Variants in ORC3 observed in about 807,000 individuals in gnomAD.
ORC3 encodes the protein origin recognition complex subunit 3.
Under a neutral mutation model 100.7 loss-of-function variants are expected in ORC3, and 78 were observed. That is an observed-to-expected ratio of 0.77 (90% CI 0.65 to 0.94). The LOEUF is 0.94. Ranked by LOEUF, ORC3 falls within the 40% of genes least tolerant of loss-of-function variation. The pLI, the probability that ORC3 is intolerant of heterozygous loss-of-function variation, is 0.00. For missense variants in ORC3, 789 were observed against 823.9 expected (o/e 0.96, Z 0.52); for synonymous variants, 295 against 289.3 (o/e 1.02, Z -0.20).
chr6:87,593,716 A>G (rs1777212966), intron 1 of ORC3, among the ~76,000 whole-genome samples: 1 of 152,220 alleles, frequency 6.6e-6, no homozygotes. Flanking sequence ...ATTTTTTGAG[A>G]CAGAGCTTCG....
downstream of ORC3, among the ~76,000 whole-genome samples, chr6:87,669,262 A>T (rs1582106957): frequency 6.6e-6 from 1 of 152,240 alleles, no homozygotes; most frequent in African/African-American, 2.4e-5. Flanking sequence ...TAAATAATCA[A>T]CTGCAAGTCA....
intron 14 of ORC3, among the ~76,000 whole-genome samples, chr6:87,653,816 T>C (rs1379907827): frequency 2.6e-5 from 4 of 152,210 alleles, no homozygotes; most frequent in African/African-American, 9.6e-5. Flanking sequence ...TCTTCACTGT[T>C]GGAGGGTTAC....
chr6:87,655,353 ATT>A (rs34459713), intron 14 of ORC3, among the ~76,000 whole-genome samples: 9 of 137,492 alleles, frequency 6.5e-5, no homozygotes, highest in Admixed American at 3.0e-4. Context: ...ATCCAGCTGA[ATT>A]TTTTTTTTTT....
At chr6:87,618,375 C>CCA (rs1779307062) in intron 9 of ORC3, among the ~76,000 whole-genome samples, 2 of 150,926 alleles carry the variant, frequency 1.3e-5, no homozygotes, top group South Asian at 4.2e-4. Context: ...GGAGATCATG[C>CCA]CACTGCACTC....
intron 16 of ORC3, among the ~76,000 whole-genome samples, chr6:87,658,748 ATTTAATTC>A (rs1769925211): frequency 6.6e-6 from 1 of 152,186 alleles, no homozygotes; most frequent in Admixed American, 6.5e-5. Context: ...AAGAAAGAAC[ATTTAATTC>A]TAAACAATGC....
intron 16 of ORC3, among the ~76,000 whole-genome samples, chr6:87,662,395 G>A (rs1223073653): frequency 6.6e-6 from 1 of 152,052 alleles, no homozygotes; most frequent in African/African-American, 2.4e-5. Flanking sequence ...TTGCACCACT[G>A]CACTCCAGTC....
chr6:87,636,206 A>T, intron 12 of ORC3, among the ~76,000 whole-genome samples: 1 of 152,286 alleles, frequency 6.6e-6, no homozygotes, highest in African/African-American at 2.4e-5. Context: ...TGCTGGGATT[A>T]CAGGCGTGAG....
At chr6:87,607,609 A>C in intron 5 of ORC3, 64 bp from the exon 6 acceptor site, 1 of 1,371,926 alleles carries the variant, frequency 7.3e-7, no homozygotes, top group Non-Finnish European at 9.9e-7. Flanking sequence ...AAGAAGTTTC[A>C]AGAGCTTTGG....
intron 13 of ORC3, among the ~76,000 whole-genome samples, chr6:87,642,591 A>G (rs571567039): frequency 4.0e-4 from 60 of 150,790 alleles, no homozygotes; most frequent in Admixed American, 1.3e-3. Context: ...CCAAAAATAA[A>G]TAAATAAAAT....
intron 13 of ORC3, among the ~76,000 whole-genome samples, chr6:87,647,428 C>T (rs1387024389): frequency 6.6e-6 from 1 of 152,180 alleles, no homozygotes; most frequent in African/African-American, 2.4e-5. Context: ...TTCCTTTCCT[C>T]CTTTATGTAC....
At chr6:87,607,892 A>G in intron 6 of ORC3, 68 bp downstream of exon 6, 1 of 1,095,916 alleles carries the variant, frequency 9.1e-7, no homozygotes. Context: ...GAATAATATT[A>G]GACAGTACTG....
intron 5 of ORC3, among the ~76,000 whole-genome samples, chr6:87,606,639 C>T (rs1778365389): frequency 6.6e-6 from 1 of 152,034 alleles, no homozygotes; most frequent in Non-Finnish European, 1.5e-5. Context: ...AAGCAGTTCT[C>T]CCACTTCAGC....
intron 19 of ORC3, 64 bp downstream of exon 19, chr6:87,665,897 C>T (rs577088743): frequency 2.0e-6 from 2 of 977,996 alleles, no homozygotes; most frequent in South Asian, 1.4e-5. Context: ...TATAATTTCT[C>T]CAGGTCTACA....
At chr6:87,616,899 C>G (rs1331388675) in intron 9 of ORC3, among the ~76,000 whole-genome samples, 1 of 151,976 alleles carries the variant, frequency 6.6e-6, no homozygotes, top group African/African-American at 2.4e-5. Flanking sequence ...CTCCCGGGTT[C>G]AAGCAATTCT....
At chr6:87,632,914 C>A (rs11964441) in intron 11 of ORC3, among the ~76,000 whole-genome samples, 2 of 152,144 alleles carry the variant, frequency 1.3e-5, no homozygotes, top group Non-Finnish European at 2.9e-5. Flanking sequence ...CTACTCAGCA[C>A]AGGGATGCAC....
At position 87,659,314 on chromosome 6, in the gene ORC3, G is replaced by T. The variant is rs28381527; in HGVS notation, c.1691+1296G>T. ...CCTGACCTCATGATCCACCCACCTC[G>T]GCTTCCCAAAGTGCTGGGATTACAG... On this transcript the variant is annotated intron_variant, in intron 16 of 19. Transcript: ENST00000392844. Among the ~76,000 whole-genome samples, 3 of 151,492 alleles carry T rather than the reference G, an allele frequency of 2.0e-5. No homozygotes were observed. The South Asian group carries it at 6.2e-4, about 32-fold the overall frequency.
At chr6:87,643,245 AT>A (rs913456793) in intron 13 of ORC3, among the ~76,000 whole-genome samples, 2 of 152,166 alleles carry the variant, frequency 1.3e-5, no homozygotes, top group African/African-American at 4.8e-5. Context: ...AGGTCAGAGA[AT>A]TAGCTGAGAT....
At chr6:87,603,271 T>A (rs1043214754) in intron 3 of ORC3, 113 bp from the exon 4 acceptor site, 1 of 557,116 alleles carries the variant, frequency 1.8e-6, no homozygotes, top group Non-Finnish European at 2.9e-6. Context: ...TTAATTAGGT[T>A]CATCTTTTGA....
At chr6:87,676,239 C>T in the ORC3 span, among the ~76,000 whole-genome samples, 57 of 151,546 alleles carry the variant, frequency 3.8e-4, no homozygotes, top group South Asian at 8.4e-4. Context: ...CCGAGGCGGG[C>T]GGATCACAAG....
Sources: allele counts gnomAD v4.1 joint callset (sites outside exome capture counted in the v4.1 genomes callset), GRCh38; gene constraint gnomAD v4.1.1; transcripts MANE v1.5; gene names NCBI Gene and HGNC (gene_info 2026-07-23, HGNC 2026-07-21).